Variants in CACNG3 observed in about 807,000 individuals in gnomAD.
CACNG3 encodes the protein calcium voltage-gated channel auxiliary subunit gamma 3, also known as voltage-dependent calcium channel gamma-3 subunit.
CACNG3 carries 3 observed loss-of-function variants against 28.5 expected under a neutral mutation model. That is an observed-to-expected ratio of 0.11 (90% CI 0.05 to 0.27). The LOEUF (loss-of-function observed/expected upper bound fraction) is 0.27, where lower values mean the gene tolerates loss of function less well. Among genes scored for constraint, CACNG3 ranks in the 10% least tolerant of loss-of-function variants. The probability of loss-of-function intolerance (pLI) is 1.00; values close to 1 mark genes in which losing one functional copy is unlikely to be tolerated. For synonymous variants in CACNG3, 174 were observed against 162.2 expected, an observed-to-expected ratio of 1.07 and a Z score of -0.55; for missense variants, 236 against 414.4, an observed-to-expected ratio of 0.57 and a Z score of 3.74.
chr16:24,342,059 G>A (rs1418124182), intron 1 of CACNG3, among the ~76,000 whole-genome samples: 1 of 152,170 alleles, frequency 6.6e-6, no homozygotes, highest in African/African-American at 2.4e-5. Context: ...CCTGAGGTCA[G>A]GAGTTCAAGA....
chr16:24,284,832 A>G (rs1187789234), intron 1 of CACNG3, among the ~76,000 whole-genome samples: 41 of 152,164 alleles, frequency 2.7e-4, no homozygotes, highest in Admixed American at 2.7e-3. Context: ...GACCTCGCAG[A>G]TAAGTGTCAT....
chr16:24,282,807 C>G (rs924284466), intron 1 of CACNG3, among the ~76,000 whole-genome samples: 1 of 151,416 alleles, frequency 6.6e-6, no homozygotes, highest in Non-Finnish European at 1.5e-5. Flanking sequence ...TTCTTTTAAT[C>G]TATATTTCTA....
At chr16:24,271,541 C>T (rs1368032779) in intron 1 of CACNG3, among the ~76,000 whole-genome samples, 1 of 152,174 alleles carries the variant, frequency 6.6e-6, no homozygotes, top group Non-Finnish European at 1.5e-5. Context: ...GCAGCTTCCC[C>T]TTCTCAGCCT....
chr16:24,311,299 T>C (rs1291824305), intron 1 of CACNG3, among the ~76,000 whole-genome samples: 1 of 151,960 alleles, frequency 6.6e-6, no homozygotes, highest in South Asian at 2.1e-4. Flanking sequence ...TCACCTGAGG[T>C]CGGGAGTTTA....
intron 1 of CACNG3, among the ~76,000 whole-genome samples, chr16:24,293,225 G>T (rs1436619539): frequency 6.6e-6 from 1 of 152,204 alleles, no homozygotes; most frequent in African/African-American, 2.4e-5. Flanking sequence ...TCTCAGCTCT[G>T]CCCTTAACTT....
intron 1 of CACNG3, among the ~76,000 whole-genome samples, chr16:24,328,999 AAGGGCTGAGTGGGC>A (rs1385492314): frequency 6.6e-6 from 1 of 152,102 alleles, no homozygotes; most frequent in Non-Finnish European, 1.5e-5. Context: ...CAAAGATCCT[AAGGGCTGAGTGGGC>A]AGGGAGAATG....
chr16:24,359,776 T>C (rs924202794), intron 3 of CACNG3, among the ~76,000 whole-genome samples: 4 of 152,162 alleles, frequency 2.6e-5, no homozygotes, highest in African/African-American at 7.2e-5. Flanking sequence ...GGAGGGAAGA[T>C]GCCTTTAGCC....
intron 1 of CACNG3, among the ~76,000 whole-genome samples, chr16:24,328,267 A>G (rs1899584572): frequency 1.3e-5 from 2 of 151,880 alleles, no homozygotes; most frequent in South Asian, 2.1e-4. Context: ...CAAATGCAGG[A>G]TGGAGAGGGA....
intron 1 of CACNG3, among the ~76,000 whole-genome samples, chr16:24,345,313 AT>A (rs948117855): frequency 2.6e-5 from 4 of 152,066 alleles, no homozygotes; most frequent in Admixed American, 2.6e-4. Context: ...TTTCTGGAAA[AT>A]TTTTTGTCCT....
At chr16:24,327,982 G>A (rs1002445395) in intron 1 of CACNG3, among the ~76,000 whole-genome samples, 1 of 152,106 alleles carries the variant, frequency 6.6e-6, no homozygotes, top group African/African-American at 2.4e-5. Flanking sequence ...AAGGAAATAC[G>A]CAGTACTCAT....
At chr16:24,336,247 A>G (rs1388627865) in intron 1 of CACNG3, among the ~76,000 whole-genome samples, 2 of 151,554 alleles carry the variant, frequency 1.3e-5, no homozygotes, top group Non-Finnish European at 2.9e-5. Flanking sequence ...AGAAAGAAAG[A>G]AACCCCAGCA....
intron 1 of CACNG3, among the ~76,000 whole-genome samples, chr16:24,315,219 G>A (rs761514045): frequency 6.6e-5 from 10 of 152,248 alleles, no homozygotes; most frequent in Admixed American, 2.6e-4. Flanking sequence ...GTGTCCTACT[G>A]CCAACTGGTT....
chr16:24,274,939 C>T (rs1307332861), intron 1 of CACNG3, among the ~76,000 whole-genome samples: 3 of 152,150 alleles, frequency 2.0e-5, no homozygotes, highest in Non-Finnish European at 2.9e-5. Flanking sequence ...AATCGGAAAA[C>T]CGCTGTCCTC....
chr16:24,356,892 G>A (rs1277211127), intron 3 of CACNG3, among the ~76,000 whole-genome samples: 1 of 152,096 alleles, frequency 6.6e-6, no homozygotes, highest in Non-Finnish European at 1.5e-5. Flanking sequence ...GAAGGCGAAG[G>A]AGGAGCAAAG....
intron 1 of CACNG3, among the ~76,000 whole-genome samples, chr16:24,340,331 G>T (rs35323377): frequency 6.6e-6 from 1 of 151,958 alleles, no homozygotes; most frequent in South Asian, 2.1e-4. Flanking sequence ...CCAAAACGTC[G>T]AGGCTTCAGT....
Position 24,318,157 on chromosome 16 carries a change from A to C in CACNG3, c.212-28577A>C, listed in dbSNP as rs189351251. 2.0e-5 allele frequency among the ~76,000 whole-genome samples: 3 copies of C among 152,176 alleles called. No homozygotes were observed. The East Asian group carries it at 5.8e-4, about 29-fold the overall frequency. Reference sequence around the variant, plus strand: ...TCCCTAGAGCTGGGTATGGTGCTTAACACGTAGGAGGCACTCAGTATATCC... The same window carrying C: ...TCCCTAGAGCTGGGTATGGTGCTTACCACGTAGGAGGCACTCAGTATATCC... On this transcript the variant is annotated intron_variant, in intron 1 of 3. Coordinates refer to ENST00000005284, the MANE Select transcript of CACNG3 (RefSeq NM_006539.4).
chr16:24,316,389 C>T (rs1899352359), intron 1 of CACNG3, among the ~76,000 whole-genome samples: 1 of 151,832 alleles, frequency 6.6e-6, no homozygotes, highest in African/African-American at 2.4e-5. Flanking sequence ...GTCCTTCAAG[C>T]CCCACCCCAA....
At position 24,346,300 on chromosome 16, in the gene CACNG3, G is replaced by A. The variant is rs1424602933; in HGVS notation, c.212-434G>A. On this transcript the variant is annotated intron_variant, in intron 1 of 3. Transcript: ENST00000005284. Reference sequence around the variant, plus strand: ...AAACATGCTGTTGATGACTGATCCCGTTGGCTCATGCCTGTAATCCTAGCA... The same window carrying A: ...AAACATGCTGTTGATGACTGATCCCATTGGCTCATGCCTGTAATCCTAGCA... 3.3e-5 allele frequency among the ~76,000 whole-genome samples: 5 copies of A among 152,098 alleles called. No individual in the cohort carries two copies. In the South Asian group the frequency reaches 6.2e-4, roughly 19 times the overall value.
At chr16:24,327,193 G>GGC (rs141947736) in intron 1 of CACNG3, among the ~76,000 whole-genome samples, 14,944 of 140,306 alleles carry the variant, frequency 0.11, 1,097 homozygotes, top group Middle Eastern at 0.15. Flanking sequence ...AGAAGACTTG[G>GGC]GCTCAGAGAG....
Sources: gnomAD v4.1 joint callset for allele counts (sites outside exome capture counted in the v4.1 genomes callset) on GRCh38, gnomAD v4.1.1 for gene constraint, MANE v1.5 for transcripts, NCBI Gene and HGNC (gene_info 2026-07-23, HGNC 2026-07-21) for gene names.